PRSS8: variants seen among roughly 807,000 people sequenced by gnomAD.
PRSS8 encodes serine protease 8, also known as prostasin.
In PRSS8, 11 loss-of-function variants were observed where a neutral mutation model predicts 26.7. That is an observed-to-expected ratio of 0.41 (90% CI 0.26 to 0.68). PRSS8 has a LOEUF of 0.68. Ranked by LOEUF, PRSS8 falls within the 30% of genes least tolerant of loss-of-function variation. The pLI is 0.30. For missense variants in PRSS8, 362 were observed against 443.5 expected, an observed-to-expected ratio of 0.82 and a Z score of 1.65; for synonymous variants, 183 against 187.0, an observed-to-expected ratio of 0.98 and a Z score of 0.17.
Position 31,135,622 on chromosome 16 carries a change from G to C in PRSS8, c.-124C>G, listed in dbSNP as rs1472964672. 2.3e-6 allele frequency: 2 copies of C among 853,936 alleles called. No individual in the cohort carries two copies. The highest frequency in any genetic ancestry group is 1.7e-5 in the African/African-American group (1 of 58,084). The allele number at this position is 853,936 out of a possible 1,614,324, so 52.9% of individuals were successfully genotyped here. On this transcript the variant is annotated 5_prime_UTR_variant, in exon 1 of 6. Coordinates refer to ENST00000317508, the MANE Select transcript of PRSS8 (RefSeq NM_002773.5). ...AGGATCCCAGAATCCGGGCTGGAAA[G>C]GGGCAGCAAGTGTCCAAGGCTGGCC...
At chr16:31,134,365 C>T (rs1475165305) in intron 2 of PRSS8, 1 of 152,436 alleles carries the variant, frequency 6.6e-6, no homozygotes, top group Non-Finnish European at 1.5e-5. Flanking sequence ...TCCACAGCCC[C>T]AGGAGACGGA....
rs759267525 is a variant in PRSS8, at chr16:31,133,269, CGA to C, written c.221_222del (p.Leu74ArgfsTer3). On this transcript the variant is annotated frameshift_variant, in exon 3 of 6. Coordinates refer to ENST00000317508, the MANE Select transcript of PRSS8 (RefSeq NM_002773.5). LOFTEE classifies it high-confidence loss of function. The surrounding 1 kb of genome is among the most constrained non-coding windows in gnomAD (Gnocchi z 4.7). The stretch of plus-strand genomic sequence containing the variant: ...GCTGACAGCACCCACTGCTCAGACA[CGA>C]GAGAGCCACCACACACATGGACGCC... ...YEGVHVCGGS[L>X]VSEQWVLSAA... 6.2e-7 allele frequency: 1 copy of C among 1,613,844 alleles called. No individual in the cohort carries two copies. The highest frequency in any genetic ancestry group is 2.2e-5 in the East Asian group (1 of 44,900).
In PRSS8 at chr16:31,132,676, C is replaced by T; in HGVS notation, c.538+6G>A. 2 of 1,613,838 alleles carry T rather than the reference C, an allele frequency of 1.2e-6. No individual in the cohort carries two copies. Among genetic ancestry groups the T allele is most frequent in the Non-Finnish European group, 8.5e-7 (1 of 1,179,760 alleles). On this transcript the variant is annotated splice_donor_region_variant and intron_variant, in intron 4 of 5. Transcript: ENST00000317508. The surrounding 1 kb of genome is among the most constrained non-coding windows in gnomAD (Gnocchi z 5.2). ...ACACCTCTAGGCACCCAGCGTCCCA[C>T]CTCACCTGAGGGGGCCACATGACCC...
chr16:31,131,892 C>A lies in PRSS8; in HGVS notation c.*117G>T. The A allele has an allele frequency of 8.1e-7, 1 of 1,231,142 alleles. No individual in the cohort carries two copies. The highest frequency in any genetic ancestry group is 2.6e-5 in the East Asian group (1 of 38,974). 76.3% of individuals were successfully genotyped at this position (1,231,142 alleles called of 1,614,324 possible). On this transcript the variant is annotated 3_prime_UTR_variant, in exon 6 of 6. Transcript: ENST00000317508. ...AAGATCAAGATGGGGCCCCAGCCTC[C>A]CGCAGAGTCCTGAAGGAAGGAGTGG...
In PRSS8 at chr16:31,132,373, G is replaced by A. The variant is rs756336444; in HGVS notation, c.706-38C>T. 1 of 1,613,914 alleles carries A rather than the reference G, an allele frequency of 6.2e-7. No homozygotes were observed. The highest frequency in any genetic ancestry group is 2.2e-5 in the East Asian group (1 of 44,872). On this transcript the variant is annotated intron_variant, in intron 5 of 5. Transcript: ENST00000317508. The surrounding 1 kb of genome is among the most constrained non-coding windows in gnomAD (Gnocchi z 5.2). ...GCCACACAGCAGCCATCAGGACCGGGCCAGGCCTCCTTTCCGAAGTTGCAC... is the reference window on the plus strand; with the variant it reads ...GCCACACAGCAGCCATCAGGACCGGACCAGGCCTCCTTTCCGAAGTTGCAC...
chr16:31,134,352 C>T (rs555232841), intron 2 of PRSS8: 1 of 152,564 alleles, frequency 6.6e-6, no homozygotes, highest in South Asian at 2.1e-4. Context: ...TCCCTGCATC[C>T]TCTCCACAGC....
chr16:31,135,225 C>A, intron 1 of PRSS8, 54 bp from the exon 2 acceptor site: 1 of 1,610,536 alleles, frequency 6.2e-7, no homozygotes, highest in Non-Finnish European at 8.5e-7. Context: ...GGTTCCCTGA[C>A]CCCTTAGTAC....
At position 31,133,142 on chromosome 16, in the gene PRSS8, C is replaced by T; in HGVS notation, c.266+84G>A. The T allele has an allele frequency of 1.9e-6, 3 of 1,601,198 alleles. No individual in the cohort carries two copies. The highest frequency in any genetic ancestry group is 1.1e-5 in the South Asian group (1 of 90,438). ...AGACTTAGAACTGACACTCTCAGAC[C>T]CAACCCAAGAACCCCAACCTCTGAC... is the stretch of plus-strand genomic sequence containing the variant. On this transcript the variant is annotated intron_variant, in intron 3 of 5. Coordinates refer to ENST00000317508, the MANE Select transcript of PRSS8 (RefSeq NM_002773.5). This position sits in a 1 kb window ranked among gnomAD's most constrained non-coding sequence, Gnocchi z 4.7.
Position 31,131,985 on chromosome 16 carries a change from A to C in PRSS8, c.*24T>G. On this transcript the variant is annotated 3_prime_UTR_variant, in exon 6 of 6. Transcript: ENST00000317508. ...AGGCTCCTGTCCTTGAGTGTGATGC[A>C]TCCATCCTGGAAGTAGGGCCAGCTC... is the stretch of plus-strand genomic sequence containing the variant. 6.6e-7 allele frequency: 1 copy of C among 1,518,396 alleles called. No homozygotes were observed. Among genetic ancestry groups the C allele is most frequent in the Non-Finnish European group, 8.9e-7 (1 of 1,129,938 alleles). The allele number at this position is 1,518,396 out of a possible 1,614,324, so 94.1% of individuals were successfully genotyped here. A position where few individuals can be genotyped will look rare whatever the true frequency, so the allele number is the denominator to read the frequency against.
rs2057585792 is a variant in PRSS8 at position 31,132,489 on chromosome 16, G to C, written c.645C>G (p.His215Gln). 6.2e-7 allele frequency: 1 copy of C among 1,614,064 alleles called. No homozygotes were observed. Among genetic ancestry groups the C allele is most frequent in the African/African-American group, 1.3e-5 (1 of 75,078 alleles). ...CACACACCATGTCCTCTTGGACAAA[G>C]TGCGGCTCCTCAGGCTTGGCGTCGA... is the stretch of plus-strand genomic sequence containing the variant. ...YNIDAKPEEP[H>Q]FVQEDMVCAG... The change falls in exon 5 of 6, where the codon CAC becomes CAG. Residue 215 changes from histidine (H) to glutamine (Q), a missense_variant. Physicochemically the swap from His to Gln is conservative, Grantham distance 24. Coordinates refer to ENST00000317508, the MANE Select transcript of PRSS8 (RefSeq NM_002773.5). This position sits in a 1 kb window ranked among gnomAD's most constrained non-coding sequence, Gnocchi z 5.2.
In PRSS8 at chr16:31,132,530, T is replaced by A; in HGVS notation, c.604A>T (p.Asn202Tyr). 6.2e-7 allele frequency: 1 copy of A among 1,614,056 alleles called. No homozygotes were observed. The highest frequency in any genetic ancestry group is 8.5e-7 in the Non-Finnish European group (1 of 1,179,894). ...TTGGCGTCGATGTTGTACAGGCAGT[T>A]ACACGTCTCACGACTGATCAGAGGC... ...EVPLISRETC[N>Y]CLYNIDAKPE... The change falls in exon 5 of 6, where the codon AAC becomes TAC. Residue 202 changes from asparagine to tyrosine, a missense_variant. Coordinates refer to ENST00000317508, the MANE Select transcript of PRSS8 (RefSeq NM_002773.5). This position sits in a 1 kb window ranked among gnomAD's most constrained non-coding sequence, Gnocchi z 5.2.
intron 2 of PRSS8, chr16:31,134,373 G>C (rs1026372255): frequency 1.3e-5 from 2 of 152,352 alleles, no homozygotes; most frequent in Non-Finnish European, 2.9e-5. Flanking sequence ...CCCAGGAGAC[G>C]GACATGACCA....
chr16:31,132,571 A>G lies in PRSS8; in HGVS notation c.563T>C (p.Leu188Pro), dbSNP rs1186044712. ...GATCAGAGGCACCTCGAGTTGCTGC[A>G]GTGGCTTGGGCGTCAGGAGGCTCAC... Reference protein sequence around the residue: ...PSVSLLTPKPLQQLEVPLISR... With the variant: ...PSVSLLTPKPPQQLEVPLISR... The change falls in exon 5 of 6, where the codon CTG becomes CCG. Residue 188 changes from leucine to proline, a missense_variant. Coordinates refer to ENST00000317508, the MANE Select transcript of PRSS8 (RefSeq NM_002773.5). This position sits in a 1 kb window ranked among gnomAD's most constrained non-coding sequence, Gnocchi z 5.2. The G allele has an allele frequency of 6.2e-7, 1 of 1,613,998 alleles. No homozygotes were observed. Among genetic ancestry groups the G allele is most frequent in the Non-Finnish European group, 8.5e-7 (1 of 1,179,880 alleles).
rs761508291 is a variant in PRSS8, at chr16:31,132,505, T to C, written c.629A>G (p.Lys210Arg). The C allele has an allele frequency of 1.9e-6, 3 of 1,614,026 alleles. No individual in the cohort carries two copies. The East Asian group carries it at 6.7e-5, about 36-fold the overall frequency. Residue 210 changes from lysine (K) to arginine (R), a missense_variant, in exon 5 of 6, where the codon AAG becomes AGG. By Grantham distance (26) the Lys-to-Arg change is conservative. Transcript: ENST00000317508. The surrounding 1 kb of genome is among the most constrained non-coding windows in gnomAD (Gnocchi z 5.2). ...TCNCLYNIDAKPEEPHFVQED... is the reference protein window; with the variant it reads ...TCNCLYNIDARPEEPHFVQED... ...TTGGACAAAGTGCGGCTCCTCAGGC[T>C]TGGCGTCGATGTTGTACAGGCAGTT...
Position 31,132,000 on chromosome 16 carries a change from A to G in PRSS8, c.*9T>C. The G allele has an allele frequency of 1.3e-6, 2 of 1,540,438 alleles. No homozygotes were observed. The highest frequency in any genetic ancestry group is 1.8e-6 in the Non-Finnish European group (2 of 1,141,194). On this transcript the variant is annotated 3_prime_UTR_variant, in exon 6 of 6. Transcript: ENST00000317508. ...AGTGTGATGCATCCATCCTGGAAGT[A>G]GGGCCAGCTCAGTGCTCGCTGAGCC... is the stretch of plus-strand genomic sequence containing the variant.
Position 31,133,146 on chromosome 16 carries a change from C to T in PRSS8, c.266+80G>A, listed in dbSNP as rs1370250196. On this transcript the variant is annotated intron_variant, in intron 3 of 5. Transcript: ENST00000317508. This position sits in a 1 kb window ranked among gnomAD's most constrained non-coding sequence, Gnocchi z 4.7. ...TTAGAACTGACACTCTCAGACCCAA[C>T]CCAAGAACCCCAACCTCTGACCTGG... The T allele has an allele frequency of 7.5e-6, 12 of 1,604,070 alleles. No individual in the cohort carries two copies. The highest frequency in any genetic ancestry group is 1.3e-5 in the African/African-American group (1 of 74,920).
rs1596830843 is a variant in PRSS8, at chr16:31,133,790, G to A, written c.104-402C>T. ...CATCAGGCCACACACTTGTTTACCC[G>A]GGACCTTGGCTGATCCAGGTCACTC... On this transcript the variant is annotated intron_variant, in intron 2 of 5. Coordinates refer to ENST00000317508, the MANE Select transcript of PRSS8 (RefSeq NM_002773.5). This position sits in a 1 kb window ranked among gnomAD's most constrained non-coding sequence, Gnocchi z 4.7. Among the ~76,000 whole-genome samples, 1 of 152,116 alleles carries A rather than the reference G, an allele frequency of 6.6e-6. No individual in the cohort carries two copies. The highest frequency in any genetic ancestry group is 1.5e-5 in the Non-Finnish European group (1 of 68,012).
rs760018677 is a variant in PRSS8, at chr16:31,132,953, G to C, written c.267C>G (p.Ser89Arg). 29 of 1,603,322 alleles carry C rather than the reference G, an allele frequency of 1.8e-5. No homozygotes were observed. Among genetic ancestry groups the C allele is most frequent in the Non-Finnish European group, 2.3e-5 (27 of 1,173,714 alleles). ...WVLSAAHCFP[S>R]EHHKEAYEVK... ...CCTCATAGGCTTCCTTGTGGTGCTC[G>C]CTGCAGGCAGGGGGCAAAGGCTGAG... Residue 89 changes from serine to arginine, a missense_variant and splice_region_variant, in exon 4 of 6, where the codon AGC (serine) becomes AGG (arginine). Ser to Arg is a moderately radical substitution (Grantham distance 110). Transcript: ENST00000317508. The surrounding 1 kb of genome is among the most constrained non-coding windows in gnomAD (Gnocchi z 5.2).
chr16:31,132,549 C>T lies in PRSS8; in HGVS notation c.585G>A (p.Leu195=). The change falls in exon 5 of 6, where the codon CTG becomes CTA. Residue 195 remains leucine, a synonymous_variant. Coordinates refer to ENST00000317508, the MANE Select transcript of PRSS8 (RefSeq NM_002773.5). The surrounding 1 kb of genome is among the most constrained non-coding windows in gnomAD (Gnocchi z 5.2). ...PKPLQQLEVP[L]ISRETCNCLY... The stretch of plus-strand genomic sequence containing the variant: ...GGCAGTTACACGTCTCACGACTGAT[C>T]AGAGGCACCTCGAGTTGCTGCAGTG... The T allele has an allele frequency of 6.2e-7, 1 of 1,614,050 alleles. No individual in the cohort carries two copies. Among genetic ancestry groups the T allele is most frequent in the Non-Finnish European group, 8.5e-7 (1 of 1,179,892 alleles).
Sources: allele counts gnomAD v4.1 joint callset (sites outside exome capture counted in the v4.1 genomes callset), GRCh38; gene constraint gnomAD v4.1.1; non-coding constraint Gnocchi (gnomAD v3.1); transcripts MANE v1.5; gene names NCBI Gene and HGNC (gene_info 2026-07-23, HGNC 2026-07-21).